The following ATP13A4 variants were observed in gnomAD, a reference collection of about 807,000 sequenced individuals.
ATP13A4 encodes the protein ATPase 13A4, also known as probable cation-transporting ATPase 13A4.
ATP13A4 carries 114 observed loss-of-function variants against 142.5 expected under a neutral mutation model. The ratio of observed to expected loss-of-function variants is 0.80; its 90% CI spans 0.69 to 0.93. ATP13A4 has a LOEUF of 0.93. Among genes scored for constraint, ATP13A4 ranks in the 40% least tolerant of loss-of-function variants. The probability of loss-of-function intolerance (pLI) is 0.00; values close to 1 mark genes in which losing one functional copy is unlikely to be tolerated. For synonymous variants in ATP13A4, 488 were observed against 514.8 expected, an observed-to-expected ratio of 0.95 and a Z score of 0.70; for missense variants, 1,392 against 1,454.0, an observed-to-expected ratio of 0.96 and a Z score of 0.69.
At chr3:193,578,961 C>A in intron 2 of ATP13A4, 1 of 215,040 alleles carries the variant, frequency 4.7e-6, no homozygotes, top group South Asian at 8.7e-5. Context: ...TCCATTTTGT[C>A]AACTCCAACA....
intron 1 of ATP13A4, among the ~76,000 whole-genome samples, chr3:193,588,504 T>A (rs1339420456): frequency 6.6e-6 from 1 of 152,244 alleles, no homozygotes; most frequent in Non-Finnish European, 1.5e-5. Context: ...TTGTTTTAAA[T>A]ACTCCGAAGT....
At chr3:193,409,417 T>A (rs954381014) in intron 28 of ATP13A4, among the ~76,000 whole-genome samples, 1 of 152,250 alleles carries the variant, frequency 6.6e-6, no homozygotes, top group African/African-American at 2.4e-5. Context: ...TTTGCAGTCA[T>A]GCTGGCAATG....
intron 2 of ATP13A4, among the ~76,000 whole-genome samples, chr3:193,514,260 C>T (rs1263890205): frequency 6.6e-6 from 1 of 152,094 alleles, no homozygotes; most frequent in Non-Finnish European, 1.5e-5. Flanking sequence ...CTGACAGACC[C>T]CCGTATGTGT....
chr3:193,445,554 C>G (rs1716898233), intron 18 of ATP13A4, among the ~76,000 whole-genome samples: 1 of 152,028 alleles, frequency 6.6e-6, no homozygotes. Flanking sequence ...GTCAGAAGTT[C>G]AAGACCATCC....
intron 17 of ATP13A4, among the ~76,000 whole-genome samples, 180 bp from the exon 18 acceptor site, chr3:193,448,510 A>G (rs1261183027): frequency 6.6e-6 from 1 of 151,982 alleles, no homozygotes; most frequent in African/African-American, 2.4e-5. Flanking sequence ...TAATTTTTGT[A>G]TTTTTAATAG....
rs760564927 is a variant in ATP13A4, at chr3:193,554,805, A to C, written c.-6T>G. 54 of 1,614,004 alleles carry C rather than the reference A, an allele frequency of 3.3e-5. No homozygotes were observed. Among genetic ancestry groups the C allele is most frequent in the Non-Finnish European group, 4.0e-5 (47 of 1,180,016 alleles). Reference sequence around the variant, plus strand: ...CCCTTCTCAAAGTGTCCCATGAAAAAGTTATTCCACACCTCCTCCCTGACC... The same window carrying C: ...CCCTTCTCAAAGTGTCCCATGAAAACGTTATTCCACACCTCCTCCCTGACC... On this transcript the variant is annotated 5_prime_UTR_variant, in exon 1 of 30. Transcript: ENST00000342695.
chr3:193,465,899 G>C (rs1718248228), intron 11 of ATP13A4, 126 bp downstream of exon 11: 1 of 1,087,890 alleles, frequency 9.2e-7, no homozygotes, highest in African/African-American at 1.6e-5. Flanking sequence ...TCTATACGTA[G>C]GCATCAGTGC....
At chr3:193,563,792 A>G (rs1724068433) in intron 2 of ATP13A4, among the ~76,000 whole-genome samples, 1 of 152,146 alleles carries the variant, frequency 6.6e-6, no homozygotes, top group Admixed American at 6.5e-5. Flanking sequence ...ATTATTTATC[A>G]TCTGAACAAT....
At chr3:193,529,258 A>C (rs1241935490) in intron 1 of ATP13A4, among the ~76,000 whole-genome samples, 2 of 151,162 alleles carry the variant, frequency 1.3e-5, no homozygotes, top group African/African-American at 4.9e-5. Flanking sequence ...AGACAGAGCA[A>C]GACTCTGTCT....
At chr3:193,436,412 G>C (rs184736229) in intron 23 of ATP13A4, among the ~76,000 whole-genome samples, 1 of 151,702 alleles carries the variant, frequency 6.6e-6, no homozygotes, top group Non-Finnish European at 1.5e-5. Context: ...TATTTCATTC[G>C]GTGAAAAATA....
chr3:193,420,054 T>C (rs1715329145), intron 25 of ATP13A4, among the ~76,000 whole-genome samples: 1 of 149,942 alleles, frequency 6.7e-6, no homozygotes, highest in Non-Finnish European at 1.5e-5. Flanking sequence ...TGTACCCTGC[T>C]CCCTGGTCCC....
At chr3:193,480,009 TG>T (rs1416338488) in intron 8 of ATP13A4, among the ~76,000 whole-genome samples, 1 of 151,856 alleles carries the variant, frequency 6.6e-6, no homozygotes, top group Non-Finnish European at 1.5e-5. Flanking sequence ...CACAAACAAG[TG>T]GTGAAAGGTC....
At chr3:193,590,508 C>T (rs544940623) in intron 1 of ATP13A4, among the ~76,000 whole-genome samples, 4 of 152,308 alleles carry the variant, frequency 2.6e-5, no homozygotes, top group South Asian at 2.1e-4. Flanking sequence ...ACCATACCTA[C>T]GTCTTAGCAC....
At chr3:193,455,995 A>T (rs530026647) in intron 16 of ATP13A4, among the ~76,000 whole-genome samples, 2 of 152,252 alleles carry the variant, frequency 1.3e-5, no homozygotes, top group Non-Finnish European at 2.9e-5. Flanking sequence ...CATAGGGGGG[A>T]ACAACACATA....
chr3:193,493,188 T>A, intron 3 of ATP13A4, 28 bp from the exon 4 acceptor site: 1 of 1,598,224 alleles, frequency 6.3e-7, no homozygotes, highest in Non-Finnish European at 8.6e-7. Context: ...TAAGAAAACC[T>A]CTAGTTTGAG....
intron 14 of ATP13A4, among the ~76,000 whole-genome samples, chr3:193,458,049 G>T (rs1435378242): frequency 6.6e-6 from 1 of 152,168 alleles, no homozygotes; most frequent in Non-Finnish European, 1.5e-5. Flanking sequence ...AGAGAAAACT[G>T]CAATCCCTAT....
upstream of ATP13A4, among the ~76,000 whole-genome samples, chr3:193,559,538 T>C (rs1309333053): frequency 2.0e-5 from 3 of 152,224 alleles, no homozygotes; most frequent in Non-Finnish European, 2.9e-5. Context: ...AGGAATTACC[T>C]GCCTCAAGGT....
At chr3:193,564,290 A>T (rs1213146947) in intron 2 of ATP13A4, among the ~76,000 whole-genome samples, 2 of 152,244 alleles carry the variant, frequency 1.3e-5, no homozygotes, top group Non-Finnish European at 2.9e-5. Flanking sequence ...AACCATGCAA[A>T]TATTCATGAT....
intron 7 of ATP13A4, among the ~76,000 whole-genome samples, chr3:193,489,507 T>G (rs970649046): frequency 6.6e-6 from 1 of 152,120 alleles, no homozygotes; most frequent in Non-Finnish European, 1.5e-5. Context: ...TTGAGTAAAT[T>G]AAAGAGGGAG....
Sources: allele counts gnomAD v4.1 joint callset (sites outside exome capture counted in the v4.1 genomes callset), GRCh38; gene constraint gnomAD v4.1.1; transcripts MANE v1.5; gene names NCBI Gene and HGNC (gene_info 2026-07-23, HGNC 2026-07-21).